The following TICRR variants were observed in gnomAD, a reference collection of about 807,000 sequenced individuals.
The protein encoded by TICRR is TOPBP1 interacting checkpoint and replication regulator.
TICRR carries 132 observed loss-of-function variants against 178.1 expected under a neutral mutation model. The ratio of observed to expected loss-of-function variants is 0.74; its 90% confidence interval spans 0.64 to 0.86. The LOEUF is 0.86. Ranked by LOEUF, TICRR falls within the 40% of genes least tolerant of loss-of-function variation. The probability of loss-of-function intolerance (pLI) is 0.00; values close to 1 mark genes in which losing one functional copy is unlikely to be tolerated. For missense variants in TICRR, 2,587 were observed against 2,334.3 expected, an observed-to-expected ratio of 1.11 and a Z score of -2.23; for synonymous variants, 991 against 900.7, an observed-to-expected ratio of 1.10 and a Z score of -1.79.
At chr15:89,599,965 A>G (rs1963066485) in intron 8 of TICRR, among the ~76,000 whole-genome samples, 1 of 152,124 alleles carries the variant, frequency 6.6e-6, no homozygotes, top group East Asian at 1.9e-4. Flanking sequence ...AATCAGCTGG[A>G]TGTGGTGGTA....
chr15:89,618,870 G>A (rs888418121), intron 17 of TICRR, among the ~76,000 whole-genome samples: 13 of 152,184 alleles, frequency 8.5e-5, no homozygotes, highest in African/African-American at 1.2e-4. Context: ...GAGGTGAGAG[G>A]ATCTCTTGAG....
chr15:89,618,817 G>A (rs1044508776), intron 17 of TICRR, among the ~76,000 whole-genome samples: 1 of 152,178 alleles, frequency 6.6e-6, no homozygotes, highest in Admixed American at 6.5e-5. Flanking sequence ...AAATCAGCTG[G>A]TCATGTTGGC....
intron 2 of TICRR, among the ~76,000 whole-genome samples, chr15:89,583,665 T>C (rs1366202817): frequency 6.6e-6 from 1 of 152,170 alleles, no homozygotes; most frequent in Non-Finnish European, 1.5e-5. Context: ...GTAGTAAACA[T>C]TGCTTGAATA....
intron 4 of TICRR, among the ~76,000 whole-genome samples, chr15:89,586,231 C>T (rs1241584954): frequency 6.6e-6 from 1 of 152,122 alleles, no homozygotes; most frequent in African/African-American, 2.4e-5. Flanking sequence ...CCCTGCATTG[C>T]ATTGTTACTA....
chr15:89,578,127 G>GGGC (rs1239926342), intron 1 of TICRR, among the ~76,000 whole-genome samples: 2 of 152,112 alleles, frequency 1.3e-5, no homozygotes, highest in African/African-American at 4.8e-5. Flanking sequence ...CCGATCTGTA[G>GGGC]GGCCAAGGTC....
At chr15:89,617,060 C>G (rs767328323) in intron 16 of TICRR, among the ~76,000 whole-genome samples, 1 of 152,126 alleles carries the variant, frequency 6.6e-6, no homozygotes, top group African/African-American at 2.4e-5. Flanking sequence ...AACAGAAAAC[C>G]CAGGGAGCTA....
intron 21 of TICRR, 110 bp downstream of exon 21, chr15:89,626,171 G>A: frequency 1.5e-6 from 2 of 1,312,628 alleles, no homozygotes; most frequent in Non-Finnish European, 2.1e-6. Flanking sequence ...CCAAGTGTGG[G>A]ATAGGTGACT....
chr15:89,582,826 G>A lies in TICRR; in HGVS notation c.795G>A (p.Lys265=). ...AGEMLLRSGI[K]LSSEPHLSPW... ...AAATGCTGCTCAGGAGTGGAATAAA[G>A]CTGTCAAGTGAACCTCATCTTTCTC... Residue 265 remains lysine, a synonymous_variant, in exon 2 of 22, where the codon AAG becomes AAA. Transcript: ENST00000268138. 2 of 1,614,182 alleles carry A rather than the reference G, an allele frequency of 1.2e-6. No individual in the cohort carries two copies. The highest frequency in any genetic ancestry group is 1.7e-6 in the Non-Finnish European group (2 of 1,180,024).
At position 89,585,884 on chromosome 15, in the gene TICRR, T is replaced by C; in HGVS notation, c.1353T>C (p.Asp451=). 6.2e-7 allele frequency: 1 copy of C among 1,614,126 alleles called. No homozygotes were observed. The highest frequency in any genetic ancestry group is 8.5e-7 in the Non-Finnish European group (1 of 1,180,028). ...GGGACACAGCTTCCCTTTTCTCAGA[T>C]GTTGTGGATAGTATATTGAATCAGA... The part of the protein sequence containing the change: ...SPRDTASLFS[D]VVDSILNQTH... The change falls in exon 4 of 22, where the codon GAT becomes GAC. Residue 451 remains aspartate, a synonymous_variant. Coordinates refer to ENST00000268138, the MANE Select transcript of TICRR (RefSeq NM_152259.4).
intron 6 of TICRR, among the ~76,000 whole-genome samples, chr15:89,594,869 C>T (rs1962970910): frequency 6.6e-6 from 1 of 152,122 alleles, no homozygotes; most frequent in African/African-American, 2.4e-5. Context: ...CATTGCTTAA[C>T]TAAATTTACA....
rs1474006434 is a variant in TICRR at position 89,625,218 on chromosome 15, G to C, written c.4908G>C (p.Lys1636Asn). 3 of 1,613,680 alleles carry C rather than the reference G, an allele frequency of 1.9e-6. No individual in the cohort carries two copies. The South Asian group carries it at 3.3e-5, about 18-fold the overall frequency. Residue 1636 changes from lysine (K) to asparagine (N), a missense_variant, in exon 20 of 22, where the codon AAG becomes AAC. Coordinates refer to ENST00000268138, the MANE Select transcript of TICRR (RefSeq NM_152259.4). ...GCCTCTCCCACAGCACACCTGGCAAGAGCAGGGGGCAAACCTACATCTGCC... is the reference window on the plus strand; with the variant it reads ...GCCTCTCCCACAGCACACCTGGCAACAGCAGGGGGCAAACCTACATCTGCC... ...CPRLSHSTPG[K>N]SRGQTYICQA... is the part of the protein sequence containing the mutation.
rs59398617 is a variant in TICRR at position 89,609,100 on chromosome 15, C to CTTTTTTTTTTTTTTTTTTTTTTTT, written c.2869+156_2869+179dup. 16 of 81,478 alleles carry CTTTTTTTTTTTTTTTTTTTTTTTT rather than the reference C, an allele frequency of 2.0e-4. 2 individuals are homozygous for CTTTTTTTTTTTTTTTTTTTTTTTT. Among genetic ancestry groups the CTTTTTTTTTTTTTTTTTTTTTTTT allele is most frequent in the African/African-American group, 1.6e-3 (15 of 9,406 alleles). The allele number at this position is 81,478 out of a possible 1,614,324, so 5.0% of individuals were successfully genotyped here. ...CTAAAGGTTTGTCAATTTTGTTAAT[C>CTTTTTTTTTTTTTTTTTTTTTTTT]TTTTTTTTTTTTTTTTTTTTTTTTT... On this transcript the variant is annotated intron_variant, in intron 15 of 21. Coordinates refer to ENST00000268138, the MANE Select transcript of TICRR (RefSeq NM_152259.4).
At chr15:89,598,092 A>G (rs561174304) in intron 7 of TICRR, among the ~76,000 whole-genome samples, 1 of 152,098 alleles carries the variant, frequency 6.6e-6, no homozygotes, top group East Asian at 1.9e-4. Context: ...GTATCCTGCA[A>G]ATTTGCTATA....
chr15:89,583,167 C>T (rs144910696), intron 2 of TICRR, among the ~76,000 whole-genome samples: 175 of 151,866 alleles, frequency 1.2e-3, no homozygotes, highest in Non-Finnish European at 1.8e-3. Context: ...CAACTGCCAG[C>T]CTTTGTACAA....
intron 7 of TICRR, among the ~76,000 whole-genome samples, chr15:89,597,445 A>T (rs1011035623): frequency 5.3e-5 from 8 of 151,084 alleles, no homozygotes; most frequent in Non-Finnish European, 8.8e-5. Context: ...GAATCGCTTG[A>T]TCCCGGGAGA....
intron 15 of TICRR, among the ~76,000 whole-genome samples, chr15:89,609,797 C>A (rs1049394482): frequency 6.6e-6 from 1 of 151,176 alleles, no homozygotes; most frequent in African/African-American, 2.4e-5. Flanking sequence ...ATCTCAGTTT[C>A]ATTTTTTTTT....
Position 89,576,018 on chromosome 15 carries a change from G to A in TICRR, c.432G>A (p.Glu144=), listed in dbSNP as rs1038593726. The A allele has an allele frequency of 1.2e-6, 2 of 1,609,170 alleles. No homozygotes were observed. The highest frequency in any genetic ancestry group is 1.7e-5 in the Admixed American group (1 of 59,602). The change falls in exon 1 of 22, where the codon GAG becomes GAA. Residue 144 remains glutamate, a synonymous_variant. Coordinates refer to ENST00000268138, the MANE Select transcript of TICRR (RefSeq NM_152259.4). ...TGGAGAGCGAGGCCAAGGAGGCCGA[G>A]GCCGCGCTCGGGGGCTTGGTGAACG... ...LDVESEAKEA[E]AALGGLVNAV...
intron 9 of TICRR, 132 bp downstream of exon 9, chr15:89,600,817 G>A (rs1963081309): frequency 2.0e-6 from 1 of 509,182 alleles, no homozygotes; most frequent in African/African-American, 2.0e-5. Flanking sequence ...AGCCAAAGCA[G>A]GAGGATTGCT....
chr15:89,626,834 T>G (rs1963536634), intron 21 of TICRR, 122 bp from the exon 22 acceptor site: 1 of 1,101,550 alleles, frequency 9.1e-7, no homozygotes, highest in Non-Finnish European at 1.3e-6. Context: ...TAAGCGAACC[T>G]CCAAGCAGTG....
Sources: allele counts gnomAD v4.1 joint callset (sites outside exome capture counted in the v4.1 genomes callset), GRCh38; gene constraint gnomAD v4.1.1; transcripts MANE v1.5; gene names NCBI Gene and HGNC (gene_info 2026-07-23, HGNC 2026-07-21).